The following ZDHHC11 variants were observed in gnomAD, a reference collection of about 807,000 sequenced individuals.
ZDHHC11 encodes the protein palmitoyltransferase ZDHHC11.
In ZDHHC11, 44 loss-of-function variants were observed where a neutral mutation model predicts 51.3. The ratio of observed to expected loss-of-function variants is 0.86; its 90% confidence interval spans 0.67 to 1.10. The LOEUF is 1.10. Ranked by LOEUF, ZDHHC11 falls within the 50% of genes least tolerant of loss-of-function variation. The pLI is 0.00. For synonymous variants in ZDHHC11, 163 were observed against 222.0 expected, an observed-to-expected ratio of 0.73 and a Z score of 2.36; for missense variants, 400 against 537.7, an observed-to-expected ratio of 0.74 and a Z score of 2.53.
upstream of ZDHHC11, among the ~76,000 whole-genome samples, chr5:855,213 G>T (rs1201087635): frequency 6.7e-5 from 10 of 148,860 alleles, no homozygotes; most frequent in African/African-American, 2.5e-4. Context: ...AGAACAGTGA[G>T]CAGCGGGGAC....
At chr5:818,639 G>C (rs1741148105) in intron 10 of ZDHHC11, among the ~76,000 whole-genome samples, 1 of 151,592 alleles carries the variant, frequency 6.6e-6, no homozygotes, top group Non-Finnish European at 1.5e-5. Context: ...CCAGAGGCTT[G>C]CTTGAGACCA....
intron 12 of ZDHHC11, among the ~76,000 whole-genome samples, chr5:796,989 T>C (rs1737674183): frequency 6.6e-6 from 1 of 151,750 alleles, no homozygotes; most frequent in Admixed American, 6.5e-5. Context: ...GGGTGGATCA[T>C]GAGGTCAGGA....
intron 11 of ZDHHC11, among the ~76,000 whole-genome samples, chr5:805,797 T>A (rs1401339181): frequency 2.0e-5 from 3 of 151,224 alleles, no homozygotes; most frequent in Non-Finnish European, 4.4e-5. Flanking sequence ...TGGACAAAGA[T>A]GCTGAGTTAA....
chr5:840,791 C>T lies in ZDHHC11; in HGVS notation c.629-141G>A, dbSNP rs114144197. Reference sequence around the variant, plus strand: ...AGGGATGTCTCCCTGCCCAGGTGGACGCCTCCCTTACCTGAGTGCCCCGTA... The same window carrying T: ...AGGGATGTCTCCCTGCCCAGGTGGATGCCTCCCTTACCTGAGTGCCCCGTA... On this transcript the variant is annotated intron_variant, in intron 4 of 12. Coordinates refer to ENST00000283441, the MANE Select transcript of ZDHHC11 (RefSeq NM_024786.3). 4,564 of 1,530,412 alleles carry T rather than the reference C, an allele frequency of 3.0e-3. 19 individuals are homozygous for T. In the African/African-American group the frequency reaches 0.054, roughly 18 times the overall value. 94.8% of individuals were successfully genotyped at this position (1,530,412 alleles called of 1,614,324 possible). A position where few individuals can be genotyped will look rare whatever the true frequency, so the allele number is the denominator to read the frequency against.
At chr5:810,415 C>G (rs1214409800) in intron 11 of ZDHHC11, among the ~76,000 whole-genome samples, 1 of 151,188 alleles carries the variant, frequency 6.6e-6, no homozygotes, top group African/African-American at 2.4e-5. Context: ...ACCAGAATAT[C>G]CCCCATCGGT....
chr5:808,344 C>T (rs1387210592), intron 11 of ZDHHC11, among the ~76,000 whole-genome samples: 5 of 151,970 alleles, frequency 3.3e-5, no homozygotes, highest in African/African-American at 4.8e-5. Context: ...ATGGTAGCTG[C>T]ATCTGCCCTC....
chr5:840,857 A>T, intron 4 of ZDHHC11: 1 of 1,457,186 alleles, frequency 6.9e-7, no homozygotes, highest in Non-Finnish European at 9.1e-7. Flanking sequence ...TCCCTGCTTT[A>T]TGGATCTGGG....
At chr5:832,247 T>C (rs1743166979) in intron 7 of ZDHHC11, among the ~76,000 whole-genome samples, 2 of 96,060 alleles carry the variant, frequency 2.1e-5, no homozygotes, top group South Asian at 3.1e-4. Context: ...AAGTGGGAGC[T>C]AAGCTACGAG....
Position 819,198 on chromosome 5 carries a change from G to A in ZDHHC11, c.1146+327C>T, listed in dbSNP as rs139069381. Among the ~76,000 whole-genome samples, 624 of 151,504 alleles carry A rather than the reference G, an allele frequency of 4.1e-3. 18 individuals are homozygous for A. The highest frequency in any genetic ancestry group is 0.014 in the African/African-American group (593 of 41,350). ...CCAATTTCCCTCCATCCTTTATCAC[G>A]GCACTGTCCCTCACTGCATGTTCTG... On this transcript the variant is annotated intron_variant, in intron 10 of 12. Coordinates refer to ENST00000283441, the MANE Select transcript of ZDHHC11 (RefSeq NM_024786.3).
intron 12 of ZDHHC11, among the ~76,000 whole-genome samples, chr5:799,438 T>C (rs1436107584): frequency 6.6e-6 from 1 of 151,634 alleles, no homozygotes; most frequent in African/African-American, 2.4e-5. Flanking sequence ...CAGGCTCAAG[T>C]GTTTCTTTGT....
At chr5:854,562 C>G (rs72491329), upstream of ZDHHC11, among the ~76,000 whole-genome samples, 14,488 of 145,560 alleles carry the variant, frequency 0.1, 1,965 homozygotes, top group African/African-American at 0.31. Flanking sequence ...CCACAGAGAA[C>G]AGTGAGCCAG....
At chr5:821,772 G>T in intron 9 of ZDHHC11, 89 bp downstream of exon 9, 3 of 1,303,478 alleles carry the variant, frequency 2.3e-6, no homozygotes, top group South Asian at 1.4e-5. Context: ...TTAAATGGAT[G>T]ACATATTTTC....
At chr5:818,312 C>T (rs550631682) in intron 10 of ZDHHC11, among the ~76,000 whole-genome samples, 3 of 151,620 alleles carry the variant, frequency 2.0e-5, no homozygotes, top group African/African-American at 7.3e-5. Context: ...TGAGTCTGGG[C>T]GGGGCAGGCT....
chr5:843,902 AGGGGCAGGGACACGC>A (rs1745579709), intron 3 of ZDHHC11, among the ~76,000 whole-genome samples, 178 bp from the exon 4 acceptor site: 1 of 103,334 alleles, frequency 9.7e-6, no homozygotes, highest in Admixed American at 9.4e-5. Context: ...GCGGGGAGGC[AGGGGCAGGGACACGC>A]AGGGCATCTG....
At chr5:840,129 C>T (rs1301792461) in intron 5 of ZDHHC11, 2 of 612,702 alleles carry the variant, frequency 3.3e-6, no homozygotes, top group Non-Finnish European at 5.8e-6. Flanking sequence ...TTTTGGAAGT[C>T]CACCTGTCCT....
upstream of ZDHHC11, among the ~76,000 whole-genome samples, chr5:854,073 G>A (rs1260141121): frequency 6.9e-6 from 1 of 144,558 alleles, no homozygotes; most frequent in African/African-American, 2.6e-5. Flanking sequence ...AGACCCCACC[G>A]AGGACAGCGA....
chr5:822,788 G>A lies in ZDHHC11; in HGVS notation c.1024-893C>T, dbSNP rs539599497. Among the ~76,000 whole-genome samples, 90 of 152,014 alleles carry A rather than the reference G, an allele frequency of 5.9e-4. 1 individual carries two copies. In the South Asian group the frequency reaches 0.014, roughly 24 times the overall value. On this transcript the variant is annotated intron_variant, in intron 8 of 12. Coordinates refer to ENST00000283441, the MANE Select transcript of ZDHHC11 (RefSeq NM_024786.3). The stretch of plus-strand genomic sequence containing the variant: ...GCCACCCAAAGCTCTGGGATTTCAG[G>A]TGTGAAGCTTTGTGCCTGGATGGTA...
In ZDHHC11 at chr5:850,986, C is replaced by T. The variant is rs773092518; in HGVS notation, c.-384G>A. 6.7e-5 allele frequency: 20 copies of T among 299,452 alleles called. 1 individual carries two copies. Among genetic ancestry groups the T allele is most frequent in the Non-Finnish European group, 1.1e-4 (18 of 160,142 alleles). 18.5% of individuals were successfully genotyped at this position (299,452 alleles called of 1,614,324 possible). ...AGCGACAGGTCCCACAACCCGTTCA[C>T]GAATACACAGGCCCACCCAGGACTC... On this transcript the variant is annotated 5_prime_UTR_variant, in exon 1 of 13. It adds an upstream start codon to the 5' untranslated region. Transcript: ENST00000283441.
Position 814,753 on chromosome 5 carries a change from G to T in ZDHHC11, c.1181+8C>A, listed in dbSNP as rs370393986. Reference sequence around the variant, plus strand: ...GACAAAACGTTCCCGTTAAACTTACGAACTTACCCAAGTGTAGATATACTC... The same window carrying T: ...GACAAAACGTTCCCGTTAAACTTACTAACTTACCCAAGTGTAGATATACTC... On this transcript the variant is annotated splice_region_variant and intron_variant, in intron 11 of 12. Coordinates refer to ENST00000283441, the MANE Select transcript of ZDHHC11 (RefSeq NM_024786.3). The T allele has an allele frequency of 1.9e-6, 3 of 1,558,284 alleles. No homozygotes were observed. The highest frequency in any genetic ancestry group is 1.4e-5 in the African/African-American group (1 of 72,990).
Sources: gnomAD v4.1 joint callset for allele counts (sites outside exome capture counted in the v4.1 genomes callset) on GRCh38, gnomAD v4.1.1 for gene constraint, MANE v1.5 for transcripts, NCBI Gene and HGNC (gene_info 2026-07-23, HGNC 2026-07-21) for gene names.